NPAS3: variants seen among roughly 807,000 people sequenced by gnomAD.
NPAS3 encodes the protein neuronal PAS domain-containing protein 3.
NPAS3 carries 14 observed loss-of-function variants against 73.1 expected under a neutral mutation model. That is an observed-to-expected ratio of 0.19 (90% CI 0.13 to 0.30). The LOEUF (loss-of-function observed/expected upper bound fraction) is 0.30. NPAS3 is among the 10% of genes least tolerant of loss of function. The probability of loss-of-function intolerance (pLI) is 1.00; values close to 1 mark genes in which losing one functional copy is unlikely to be tolerated. For synonymous variants in NPAS3, 620 were observed against 541.5 expected (o/e 1.14, Z -2.01); for missense variants, 1,096 against 1,250.0 (o/e 0.88, Z 1.86).
At chr14:33,013,207 T>C (rs1477163316) in intron 1 of NPAS3, among the ~76,000 whole-genome samples, 3 of 152,232 alleles carry the variant, frequency 2.0e-5, no homozygotes, top group Non-Finnish European at 4.4e-5. Context: ...AATGAGAATG[T>C]TGGCTGTTAT....
chr14:33,003,979 T>A (rs145047015), intron 1 of NPAS3, among the ~76,000 whole-genome samples: 1 of 152,138 alleles, frequency 6.6e-6, no homozygotes, highest in Non-Finnish European at 1.5e-5. Context: ...CTGATTTGAA[T>A]CCTGGTCATA....
intron 2 of NPAS3, among the ~76,000 whole-genome samples, chr14:33,170,478 T>A (rs1405084228): frequency 6.6e-6 from 1 of 152,198 alleles, no homozygotes; most frequent in African/African-American, 2.4e-5. Flanking sequence ...AATGATGAAG[T>A]GTTCCCCATT....
intron 4 of NPAS3, among the ~76,000 whole-genome samples, chr14:33,453,413 T>A (rs2049889395): frequency 6.6e-6 from 1 of 152,222 alleles, no homozygotes; most frequent in East Asian, 1.9e-4. Context: ...CAAGCAAGGC[T>A]TGTCCTCTAG....
At chr14:33,391,187 C>CTTTTT (rs370631048) in intron 4 of NPAS3, among the ~76,000 whole-genome samples, 19 of 109,800 alleles carry the variant, frequency 1.7e-4, no homozygotes, top group East Asian at 3.1e-4. Context: ...TGGCCCATAT[C>CTTTTT]TTTTTTTTTT....
chr14:33,497,548 A>T (rs964868316), intron 4 of NPAS3, among the ~76,000 whole-genome samples: 1 of 152,128 alleles, frequency 6.6e-6, no homozygotes, highest in African/African-American at 2.4e-5. Context: ...AATACCACAC[A>T]TCTACAACCA....
chr14:33,162,893 G>A (rs150403522), intron 2 of NPAS3, among the ~76,000 whole-genome samples: 1,834 of 152,176 alleles, frequency 0.012, 37 homozygotes, highest in African/African-American at 0.039. Context: ...ATTGAGCATC[G>A]GTAGACTTTG....
chr14:33,137,700 G>A (rs1958013), intron 2 of NPAS3, among the ~76,000 whole-genome samples: 67,152 of 151,962 alleles, frequency 0.44, 16,254 homozygotes, highest in African/African-American at 0.65. Flanking sequence ...AATACTGTCA[G>A]TAATTTCTGG....
At chr14:33,196,896 C>G (rs931060033) in intron 2 of NPAS3, among the ~76,000 whole-genome samples, 1 of 152,216 alleles carries the variant, frequency 6.6e-6, no homozygotes, top group Non-Finnish European at 1.5e-5. Context: ...TTGTGCAATT[C>G]AATAATTTGG....
chr14:33,074,824 G>A (rs958612306), intron 2 of NPAS3, among the ~76,000 whole-genome samples: 1 of 152,178 alleles, frequency 6.6e-6, no homozygotes, highest in Non-Finnish European at 1.5e-5. Flanking sequence ...TTTTCTGCTA[G>A]TTACCATATT....
intron 6 of NPAS3, among the ~76,000 whole-genome samples, chr14:33,706,811 T>G (rs1279842205): frequency 1.3e-5 from 2 of 152,192 alleles, no homozygotes; most frequent in Non-Finnish European, 2.9e-5. Flanking sequence ...GAAGCAGCCC[T>G]GAGCAGCTGA....
chr14:33,151,528 C>T (rs2044444259), intron 2 of NPAS3, among the ~76,000 whole-genome samples: 1 of 152,070 alleles, frequency 6.6e-6, no homozygotes, highest in African/African-American at 2.4e-5. Context: ...CTGTTTTTTA[C>T]CTTGCCTTTT....
At chr14:33,476,427 T>A in intron 4 of NPAS3, among the ~76,000 whole-genome samples, 1 of 152,214 alleles carries the variant, frequency 6.6e-6, no homozygotes, top group East Asian at 1.9e-4. Context: ...CTAGGCCAAT[T>A]AAGTAGAGAG....
In NPAS3 at chr14:33,578,552, A is replaced by G. The variant is rs550006722; in HGVS notation, c.558+18342A>G. On this transcript the variant is annotated intron_variant, in intron 5 of 11. Transcript: ENST00000356141. ...GCCAGTGGGGCTAATAATCTATCCT[A>G]CATTTTTAAAAAGAGCCATCAAAGG... Among the ~76,000 whole-genome samples the G allele has an allele frequency of 3.9e-5, 6 of 152,290 alleles. No homozygotes were observed. In the South Asian group the frequency reaches 1.0e-3, roughly 26 times the overall value.
chr14:33,697,396 A>G (rs1388842113), intron 6 of NPAS3, among the ~76,000 whole-genome samples: 5 of 152,236 alleles, frequency 3.3e-5, no homozygotes, highest in Non-Finnish European at 7.3e-5. Context: ...ATCACAAGTT[A>G]AGCTGAACCG....
At chr14:33,667,698 C>G (rs945689436) in intron 5 of NPAS3, among the ~76,000 whole-genome samples, 1 of 152,102 alleles carries the variant, frequency 6.6e-6, no homozygotes, top group African/African-American at 2.4e-5. Context: ...AGGCCTTTTT[C>G]TTATGGTAAT....
intron 3 of NPAS3, among the ~76,000 whole-genome samples, chr14:33,327,283 C>G (rs113701584): frequency 6.6e-6 from 1 of 152,176 alleles, no homozygotes; most frequent in Non-Finnish European, 1.5e-5. Context: ...ATGTACGACA[C>G]GCTGTGCTAA....
chr14:33,249,962 T>G (rs955448194), intron 3 of NPAS3, among the ~76,000 whole-genome samples: 1 of 151,688 alleles, frequency 6.6e-6, no homozygotes, highest in African/African-American at 2.4e-5. Flanking sequence ...ATAAAATTGT[T>G]ACTGTTCGAT....
chr14:33,124,627 G>A (rs1175529273), intron 2 of NPAS3, among the ~76,000 whole-genome samples: 1 of 152,104 alleles, frequency 6.6e-6, no homozygotes, highest in Non-Finnish European at 1.5e-5. Context: ...ACATGAGATT[G>A]ATACATGTAT....
At chr14:33,295,119 G>A (rs569840138) in intron 3 of NPAS3, among the ~76,000 whole-genome samples, 6 of 152,134 alleles carry the variant, frequency 3.9e-5, no homozygotes, top group Non-Finnish European at 2.9e-5. Flanking sequence ...CCAAAACGTA[G>A]CTATGCAAAA....
Sources: allele counts gnomAD v4.1 joint callset (sites outside exome capture counted in the v4.1 genomes callset), GRCh38; gene constraint gnomAD v4.1.1; transcripts MANE v1.5; gene names NCBI Gene and HGNC (gene_info 2026-07-23, HGNC 2026-07-21).